CCNY: variants seen among roughly 807,000 people sequenced by gnomAD.
CCNY encodes the protein cyclin-Y.
CCNY carries 19 observed loss-of-function variants against 42.8 expected under a neutral mutation model. That is an observed-to-expected ratio of 0.44 (90% CI 0.31 to 0.65). The LOEUF (loss-of-function observed/expected upper bound fraction) is 0.65. Ranked by LOEUF, CCNY falls within the 30% of genes least tolerant of loss-of-function variation. CCNY has a pLI of 0.07. For synonymous variants in CCNY, 165 were observed against 162.7 expected (o/e 1.01, Z -0.11); for missense variants, 370 against 437.3 (o/e 0.85, Z 1.37).
chr10:35,569,152 C>T lies in CCNY; in HGVS notation c.1008C>T (p.Ser336=). ...ACAACCTGACTCTGCCCCGGTGGTCCCCAGCCATCATCTCTTAACTACGGA... is the reference window on the plus strand; with the variant it reads ...ACAACCTGACTCTGCCCCGGTGGTCTCCAGCCATCATCTCTTAACTACGGA... ...SADNLTLPRW[S]PAIIS is the part of the protein sequence containing the mutation. The change falls in exon 10 of 10, where the codon TCC becomes TCT. Residue 336 remains serine, a synonymous_variant. Transcript: ENST00000374704. 1 of 1,609,662 alleles carries T rather than the reference C, an allele frequency of 6.2e-7. No individual in the cohort carries two copies. Among genetic ancestry groups the T allele is most frequent in the Non-Finnish European group, 8.5e-7 (1 of 1,177,688 alleles).
At chr10:35,472,001 A>C (rs1028486214) in intron 1 of CCNY, among the ~76,000 whole-genome samples, 3 of 152,230 alleles carry the variant, frequency 2.0e-5, no homozygotes, top group Non-Finnish European at 2.9e-5. Context: ...GAGAACAGAA[A>C]TTGTGTAATG....
intron 3 of CCNY, among the ~76,000 whole-genome samples, chr10:35,509,305 T>G (rs1028422488): frequency 6.6e-6 from 1 of 152,130 alleles, no homozygotes; most frequent in African/African-American, 2.4e-5. Flanking sequence ...GGTCAGAGTC[T>G]TGCTCTGTCA....
At chr10:35,542,362 C>T (rs1841020139) in intron 7 of CCNY, among the ~76,000 whole-genome samples, 1 of 151,996 alleles carries the variant, frequency 6.6e-6, no homozygotes, top group Admixed American at 6.6e-5. Context: ...ATTTGATCAA[C>T]ATGACTCATG....
intron 3 of CCNY, among the ~76,000 whole-genome samples, chr10:35,301,910 G>T (rs770128466): frequency 3.2e-4 from 48 of 152,088 alleles, no homozygotes; most frequent in African/African-American, 1.1e-3. Flanking sequence ...TAGGATTACA[G>T]GTGTGAGTCA....
At chr10:35,402,618 A>G (rs1837668247) in intron 1 of CCNY, among the ~76,000 whole-genome samples, 1 of 152,222 alleles carries the variant, frequency 6.6e-6, no homozygotes, top group African/African-American at 2.4e-5. Context: ...AAGGATTAGA[A>G]ACGTCTAGGA....
chr10:35,313,935 C>A (rs187553626), intron 3 of CCNY, among the ~76,000 whole-genome samples: 90 of 142,216 alleles, frequency 6.3e-4, no homozygotes, highest in Admixed American at 1.5e-3. Context: ...GTGATTGCAC[C>A]ACTGCACTCT....
intron 1 of CCNY, among the ~76,000 whole-genome samples, chr10:35,472,667 A>G (rs1238913308): frequency 6.6e-6 from 1 of 152,206 alleles, no homozygotes; most frequent in African/African-American, 2.4e-5. Flanking sequence ...CTCTCAGTAT[A>G]TACTCGTGAC....
At chr10:35,396,276 T>C (rs1238765518) in intron 1 of CCNY, among the ~76,000 whole-genome samples, 2 of 152,174 alleles carry the variant, frequency 1.3e-5, no homozygotes, top group Non-Finnish European at 2.9e-5. Flanking sequence ...TTTAAAAGCT[T>C]TCTCTCAACA....
At chr10:35,314,448 A>C (rs1024775044) in intron 3 of CCNY, 24 of 152,180 alleles carry the variant, frequency 1.6e-4, no homozygotes, top group African/African-American at 5.8e-4. Context: ...CCATGATTCA[A>C]TTATCTCCCA....
intron 3 of CCNY, among the ~76,000 whole-genome samples, chr10:35,313,819 T>TA (rs113084332): frequency 0.01 from 1,545 of 151,586 alleles, 25 homozygotes; most frequent in African/African-American, 0.035. Context: ...CCAAAAAAGA[T>TA]AAAAAAACTA....
intron 1 of CCNY, among the ~76,000 whole-genome samples, chr10:35,459,290 T>C (rs1213983464): frequency 6.6e-6 from 1 of 152,142 alleles, no homozygotes; most frequent in African/African-American, 2.4e-5. Context: ...AAGGTGTAGA[T>C]AGACCAAGCT....
At chr10:35,527,676 G>A (rs1182552913) in intron 5 of CCNY, among the ~76,000 whole-genome samples, 3 of 152,190 alleles carry the variant, frequency 2.0e-5, no homozygotes, top group South Asian at 2.1e-4. Context: ...ATGATAAATT[G>A]CACCAAAAGT....
Position 35,569,338 on chromosome 10 carries a change from C to G in CCNY, c.*168C>G, listed in dbSNP as rs1013058191. On this transcript the variant is annotated 3_prime_UTR_variant, in exon 10 of 10. Transcript: ENST00000374704. ...CCCATGCAGCAAGGCTTGGAGGAAG[C>G]GTCAGTGCCCTGGAGATCCCAGCTC... is the stretch of plus-strand genomic sequence containing the variant. 1 of 604,864 alleles carries G rather than the reference C, an allele frequency of 1.7e-6. No individual in the cohort carries two copies. The highest frequency in any genetic ancestry group is 3.0e-6 in the Non-Finnish European group (1 of 338,042). The allele number at this position is 604,864 out of a possible 1,614,324, so 37.5% of individuals were successfully genotyped here. A position where few individuals can be genotyped will look rare whatever the true frequency, so the allele number is the denominator to read the frequency against.
chr10:35,390,580 C>T (rs1213752019), intron 1 of CCNY, among the ~76,000 whole-genome samples: 1 of 152,102 alleles, frequency 6.6e-6, no homozygotes, highest in African/African-American at 2.4e-5. Flanking sequence ...AAAGGGCTCC[C>T]TTACCTCTCC....
At chr10:35,547,701 C>G (rs1444552867) in intron 7 of CCNY, among the ~76,000 whole-genome samples, 1 of 152,196 alleles carries the variant, frequency 6.6e-6, no homozygotes, top group African/African-American at 2.4e-5. Flanking sequence ...TGCCGGAGCC[C>G]TGTGTGGATG....
chr10:35,261,638 G>A (rs2095719749), intron 3 of CCNY, among the ~76,000 whole-genome samples: 2 of 152,148 alleles, frequency 1.3e-5, no homozygotes, highest in South Asian at 2.1e-4. Flanking sequence ...CCAGGAGGTC[G>A]AGGCTACAGT....
Position 35,310,974 on chromosome 10 carries a change from CAACAAAACAAAACAAAACAAAACAA to C in CCNY, c.-9+60374_-9+60398del, listed in dbSNP as rs59550105. Reference sequence around the variant, plus strand: ...TGGGCAACATGGTGAAACCCTGTCTCAACAAAACAAAACAAAACAAAACAAAACAAAACAAAACAAAACAAAACAA... The same window carrying C: ...TGGGCAACATGGTGAAACCCTGTCTCAACAAAACAAAACAAAACAAAACAA... On this transcript the variant is annotated intron_variant, in intron 3 of 11. Transcript: ENST00000374706. Among the ~76,000 whole-genome samples, 7 of 145,876 alleles carry C rather than the reference CAACAAAACAAAACAAAACAAAACAA, an allele frequency of 4.8e-5. 1 individual carries two copies. The highest frequency in any genetic ancestry group is 3.5e-3 in the Middle Eastern group (1 of 288).
rs771842023 is a variant in CCNY, at chr10:35,566,111, C to T, written c.835C>T (p.Arg279Cys). ...SVYAKYYFDL[R>C]SLAEANNLSF... ...CTATGCCAAGTATTATTTTGATCTT[C>T]GTTCTCTGGCAGAAGCGAACAACCT... Residue 279 changes from arginine (R) to cysteine (C), a missense_variant, in exon 9 of 10, where the codon CGT (arginine) becomes TGT (cysteine). Arg to Cys is a radical substitution (Grantham distance 180). This residue lies in a region of CCNY where 234 missense variants were observed against 313.1 expected (regional missense o/e 0.75). Coordinates refer to ENST00000374704, the MANE Select transcript of CCNY (RefSeq NM_145012.6). The T allele has an allele frequency of 3.1e-6, 5 of 1,614,220 alleles. No homozygotes were observed. Among genetic ancestry groups the T allele is most frequent in the African/African-American group, 1.3e-5 (1 of 75,056 alleles).
At position 35,310,515 on chromosome 10, in the gene CCNY, A is replaced by T. The variant is rs190913186; in HGVS notation, c.-9+59889A>T. Among the ~76,000 whole-genome samples the T allele has an allele frequency of 5.2e-4, 79 of 152,292 alleles. 1 individual carries two copies. Among genetic ancestry groups the T allele is most frequent in the African/African-American group, 1.7e-3 (71 of 41,564 alleles). On this transcript the variant is annotated intron_variant, in intron 3 of 11. Coordinates refer to the CCNY transcript ENST00000374706. ...GGTTTCCATGGCTGTATTAACTCAC[A>T]TTCTCACCAACAGTGTATATCCCCT...
Sources: gnomAD v4.1 joint callset for allele counts (sites outside exome capture counted in the v4.1 genomes callset) on GRCh38, gnomAD v4.1.1 for gene constraint, gnomAD v4.1.1 regional missense constraint, MANE v1.5 for transcripts, NCBI Gene and HGNC (gene_info 2026-07-23, HGNC 2026-07-21) for gene names.